Variants in CFAP299 observed in about 807,000 individuals in gnomAD.
CFAP299 encodes the protein cilia- and flagella-associated protein 299.
CFAP299 carries 21 observed loss-of-function variants against 27.0 expected under a neutral mutation model. The ratio of observed to expected loss-of-function variants is 0.78; its 90% CI spans 0.55 to 1.12. CFAP299 has a LOEUF of 1.12. Ranked by LOEUF, CFAP299 falls within the 50% of genes most tolerant of loss-of-function variation. The pLI is 0.00. For missense variants in CFAP299, 310 were observed against 276.6 expected (o/e 1.12, Z -0.86); for synonymous variants, 104 against 98.1 (o/e 1.06, Z -0.36).
chr4:80,501,363 ATT>A (rs1047014521), intron 2 of CFAP299, among the ~76,000 whole-genome samples: 1 of 149,994 alleles, frequency 6.7e-6, no homozygotes, highest in Non-Finnish European at 1.5e-5. Flanking sequence ...ATTAGCTGAA[ATT>A]TATATAAATA....
intron 2 of CFAP299, among the ~76,000 whole-genome samples, chr4:80,490,953 C>T (rs1468963279): frequency 2.0e-5 from 3 of 146,968 alleles, no homozygotes; most frequent in African/African-American, 7.6e-5. Flanking sequence ...ATCCATCTTA[C>T]TTACCTCTCC....
chr4:80,373,235 T>G lies in CFAP299; in HGVS notation c.242+10351T>G, dbSNP rs144728791. ...ATCTGACCCCCATAAGCTTCCACTCTAAGAGCGGGGCCACAGTGATTCTTT... is the reference window on the plus strand; with the variant it reads ...ATCTGACCCCCATAAGCTTCCACTCGAAGAGCGGGGCCACAGTGATTCTTT... On this transcript the variant is annotated intron_variant, in intron 2 of 5. Transcript: ENST00000358105. Among the ~76,000 whole-genome samples, 945 of 152,110 alleles carry G rather than the reference T, an allele frequency of 6.2e-3. 2 individuals are homozygous for G. The highest frequency in any genetic ancestry group is 0.024 in the Middle Eastern group (7 of 294).
chr4:80,704,574 A>T (rs1227315435), intron 3 of CFAP299, among the ~76,000 whole-genome samples: 1 of 151,794 alleles, frequency 6.6e-6, no homozygotes, highest in South Asian at 2.1e-4. Context: ...CTTTATGGTT[A>T]AGTTTATAAT....
intron 3 of CFAP299, among the ~76,000 whole-genome samples, chr4:80,688,277 C>T (rs1215798493): frequency 3.3e-5 from 5 of 152,216 alleles, no homozygotes; most frequent in Admixed American, 6.5e-5. Flanking sequence ...CCTCTGCAGA[C>T]TTAAGTGTCC....
At chr4:80,782,939 T>C (rs1455357018) in intron 3 of CFAP299, among the ~76,000 whole-genome samples, 1 of 151,854 alleles carries the variant, frequency 6.6e-6, no homozygotes, top group Non-Finnish European at 1.5e-5. Flanking sequence ...TCTAGATACT[T>C]TTCAAATGGC....
intron 1 of CFAP299, among the ~76,000 whole-genome samples, chr4:80,348,496 T>C (rs1355304199): frequency 2.0e-5 from 3 of 152,092 alleles, no homozygotes; most frequent in African/African-American, 7.2e-5. Flanking sequence ...CACTTCTCAA[T>C]AGTAGACATT....
chr4:80,960,790 C>T (rs980933380), intron 5 of CFAP299, among the ~76,000 whole-genome samples: 2 of 151,822 alleles, frequency 1.3e-5, no homozygotes, highest in Non-Finnish European at 3.0e-5. Context: ...CTTCCACAAA[C>T]ATTTTAAAAG....
chr4:80,479,074 T>C (rs748779780), intron 2 of CFAP299, among the ~76,000 whole-genome samples: 26 of 151,992 alleles, frequency 1.7e-4, no homozygotes, highest in Non-Finnish European at 3.2e-4. Context: ...AAAATTATAG[T>C]AGGGCTTTGG....
chr4:80,332,330 G>T (rs1317889299), upstream of CFAP299, among the ~76,000 whole-genome samples: 1 of 152,178 alleles, frequency 6.6e-6, no homozygotes, highest in Non-Finnish European at 1.5e-5. Flanking sequence ...TGTCTGTGGA[G>T]GTGAGGGTGA....
intron 2 of CFAP299, among the ~76,000 whole-genome samples, chr4:80,469,314 G>C (rs909005075): frequency 6.6e-6 from 1 of 152,170 alleles, no homozygotes; most frequent in Non-Finnish European, 1.5e-5. Flanking sequence ...CCAGTGTGCT[G>C]CAATGTATTT....
At chr4:80,800,576 A>ATC (rs1560419429) in intron 3 of CFAP299, among the ~76,000 whole-genome samples, 1 of 77,220 alleles carries the variant, frequency 1.3e-5, no homozygotes, top group African/African-American at 6.1e-5. Flanking sequence ...ATATTAATAT[A>ATC]AATATATAAT....
At chr4:80,757,264 G>T (rs1204902767) in intron 3 of CFAP299, among the ~76,000 whole-genome samples, 1 of 152,026 alleles carries the variant, frequency 6.6e-6, no homozygotes, top group Non-Finnish European at 1.5e-5. Flanking sequence ...GAAATAAAAT[G>T]TAAGATATTT....
chr4:80,573,413 G>T (rs1735691899), intron 2 of CFAP299, among the ~76,000 whole-genome samples: 1 of 152,044 alleles, frequency 6.6e-6, no homozygotes, highest in African/African-American at 2.4e-5. Context: ...TCTGTGGGTT[G>T]TCTCTTTACT....
At chr4:80,720,146 A>G (rs1385950899) in intron 3 of CFAP299, among the ~76,000 whole-genome samples, 1 of 152,164 alleles carries the variant, frequency 6.6e-6, no homozygotes, top group Non-Finnish European at 1.5e-5. Flanking sequence ...AATATGCTTG[A>G]AAAGAGTGAA....
At chr4:80,342,937 T>C (rs886895360) in intron 1 of CFAP299, among the ~76,000 whole-genome samples, 3 of 152,210 alleles carry the variant, frequency 2.0e-5, no homozygotes, top group Non-Finnish European at 4.4e-5. Context: ...ACCCATCTCA[T>C]GTGCAGTGAC....
At chr4:80,457,292 A>T (rs894694384) in intron 2 of CFAP299, among the ~76,000 whole-genome samples, 1 of 152,216 alleles carries the variant, frequency 6.6e-6, no homozygotes, top group Non-Finnish European at 1.5e-5. Flanking sequence ...TCCTAATAAC[A>T]TCAACTTGAA....
intron 3 of CFAP299, among the ~76,000 whole-genome samples, chr4:80,765,853 G>A (rs181588392): frequency 1.3e-5 from 2 of 151,868 alleles, no homozygotes; most frequent in Non-Finnish European, 2.9e-5. Context: ...TGAGACCATA[G>A]AATTCAATAA....
chr4:80,799,929 T>C (rs1728295544), intron 3 of CFAP299, among the ~76,000 whole-genome samples: 2 of 46,664 alleles, frequency 4.3e-5, no homozygotes, highest in Non-Finnish European at 7.0e-5. Flanking sequence ...TATATATATT[T>C]ATATATTATA....
At position 80,835,343 on chromosome 4, in the gene CFAP299, C is replaced by T. The variant is rs567677596; in HGVS notation, c.334-34650C>T. On this transcript the variant is annotated intron_variant, in intron 3 of 5. Coordinates refer to ENST00000358105, the MANE Select transcript of CFAP299 (RefSeq NM_152770.3). ...TTGATCTCCTGACCTCCTGATCCGC[C>T]CGCCTCGGCCTGCTTCTTGAATTTT... is the stretch of plus-strand genomic sequence containing the variant. Among the ~76,000 whole-genome samples, 5 of 152,158 alleles carry T rather than the reference C, an allele frequency of 3.3e-5. No individual in the cohort carries two copies. In the South Asian group the frequency reaches 1.0e-3, roughly 32 times the overall value.
Sources: allele counts gnomAD v4.1 joint callset (sites outside exome capture counted in the v4.1 genomes callset), GRCh38; gene constraint gnomAD v4.1.1; transcripts MANE v1.5; gene names NCBI Gene and HGNC (gene_info 2026-07-23, HGNC 2026-07-21).